Variants in BCKDHB observed in about 807,000 individuals in gnomAD.
The protein encoded by BCKDHB is 2-oxoisovalerate dehydrogenase subunit beta, mitochondrial.
A neutral mutation model predicts 48.5 loss-of-function variants in BCKDHB; 41 were observed. That is an observed-to-expected ratio of 0.85 (90% CI 0.66 to 1.10). The LOEUF (loss-of-function observed/expected upper bound fraction) is 1.10, where lower values mean the gene tolerates loss of function less well. BCKDHB is among the 50% of genes least tolerant of loss of function. The pLI is 0.00. For synonymous variants in BCKDHB, 201 were observed against 174.8 expected (o/e 1.15, Z -1.18); for missense variants, 496 against 494.2 (o/e 1.00, Z -0.03).
chr6:80,189,933 A>G (rs796700503), intron 6 of BCKDHB, among the ~76,000 whole-genome samples: 2 of 152,294 alleles, frequency 1.3e-5, no homozygotes, highest in Admixed American at 6.5e-5. Context: ...GAAGTGATTA[A>G]TATTGGACTA....
At chr6:80,277,988 A>G (rs542538516) in intron 9 of BCKDHB, among the ~76,000 whole-genome samples, 1 of 152,262 alleles carries the variant, frequency 6.6e-6, no homozygotes, top group South Asian at 2.1e-4. Context: ...ACTTATTACT[A>G]CTAAATTTCC....
the BCKDHB span, among the ~76,000 whole-genome samples, chr6:80,439,237 G>T: frequency 3.3e-5 from 5 of 152,076 alleles, no homozygotes; most frequent in African/African-American, 4.8e-5. Context: ...TATTTTCATG[G>T]CAAAAGGGAA....
intron 1 of BCKDHB, among the ~76,000 whole-genome samples, chr6:80,123,816 A>C (rs1368503631): frequency 6.6e-6 from 1 of 151,942 alleles, no homozygotes; most frequent in Admixed American, 6.6e-5. Flanking sequence ...GTGGTCTATC[A>C]ATTTTGTTGA....
chr6:80,190,608 T>C (rs1773850343), intron 6 of BCKDHB, among the ~76,000 whole-genome samples: 1 of 152,188 alleles, frequency 6.6e-6, no homozygotes, highest in Non-Finnish European at 1.5e-5. Flanking sequence ...TTGAAAGGGC[T>C]CACTAAATAT....
At chr6:80,338,667 A>T (rs578043464) in intron 9 of BCKDHB, among the ~76,000 whole-genome samples, 1 of 152,252 alleles carries the variant, frequency 6.6e-6, no homozygotes, top group Admixed American at 6.5e-5. Context: ...GTCTTTAATG[A>T]TAATTTGTTC....
chr6:80,324,617 G>C (rs1768936896), intron 9 of BCKDHB, among the ~76,000 whole-genome samples: 1 of 152,020 alleles, frequency 6.6e-6, no homozygotes, highest in Non-Finnish European at 1.5e-5. Context: ...TAGGAACCAG[G>C]GATGAACATG....
chr6:80,446,722 T>TTG, the BCKDHB span, among the ~76,000 whole-genome samples: 1 of 124,000 alleles, frequency 8.1e-6, no homozygotes, highest in Non-Finnish European at 1.6e-5. Flanking sequence ...TCTGGACAAT[T>TTG]TTTTTTTTTT....
At chr6:80,175,798 A>G (rs149498960) in intron 6 of BCKDHB, among the ~76,000 whole-genome samples, 1 of 152,334 alleles carries the variant, frequency 6.6e-6, no homozygotes, top group Non-Finnish European at 1.5e-5. Context: ...TGAAAGATAT[A>G]AGAAATATAT....
chr6:80,420,387 T>A, the BCKDHB span, among the ~76,000 whole-genome samples: 1 of 152,218 alleles, frequency 6.6e-6, no homozygotes, highest in African/African-American at 2.4e-5. Context: ...TTGTTCCTTC[T>A]CAGAAGGAAA....
chr6:80,310,755 C>T (rs985526839), intron 9 of BCKDHB, among the ~76,000 whole-genome samples: 1 of 152,172 alleles, frequency 6.6e-6, no homozygotes, highest in Non-Finnish European at 1.5e-5. Context: ...ACCTCACCAG[C>T]ATCTGTTGTT....
At chr6:80,439,337 C>T in the BCKDHB span, among the ~76,000 whole-genome samples, 3 of 152,092 alleles carry the variant, frequency 2.0e-5, no homozygotes, top group Admixed American at 6.6e-5. Flanking sequence ...AAAAAGATGG[C>T]ATTTCATAAA....
At chr6:80,251,387 G>A (rs1020513665) in intron 8 of BCKDHB, among the ~76,000 whole-genome samples, 4 of 152,180 alleles carry the variant, frequency 2.6e-5, no homozygotes, top group Non-Finnish European at 5.9e-5. Flanking sequence ...TTCAAGGTTG[G>A]AGGACAGTAT....
chr6:80,183,213 C>A (rs188614892), intron 6 of BCKDHB, among the ~76,000 whole-genome samples: 2 of 152,156 alleles, frequency 1.3e-5, no homozygotes, highest in Non-Finnish European at 2.9e-5. Context: ...ATTGACGAAG[C>A]CAGATGCTGT....
At chr6:80,386,983 C>G in the BCKDHB span, among the ~76,000 whole-genome samples, 20 of 151,788 alleles carry the variant, frequency 1.3e-4, 1 homozygote, top group South Asian at 3.7e-3. Flanking sequence ...TTCTCCCATC[C>G]CCCCCCAAGG....
At chr6:80,282,552 G>C (rs1766389521) in intron 9 of BCKDHB, among the ~76,000 whole-genome samples, 1 of 152,044 alleles carries the variant, frequency 6.6e-6, no homozygotes, top group African/African-American at 2.4e-5. Flanking sequence ...TCCACTTGAT[G>C]AATGTTATGG....
At chr6:80,180,794 G>T (rs1031034607) in intron 6 of BCKDHB, among the ~76,000 whole-genome samples, 3 of 152,184 alleles carry the variant, frequency 2.0e-5, no homozygotes, top group Non-Finnish European at 2.9e-5. Flanking sequence ...CGTAAAGAGA[G>T]AAATTAATAT....
chr6:80,200,934 C>T lies in BCKDHB; in HGVS notation c.743C>T (p.Ala248Val), dbSNP rs752519744. Residue 248 changes from alanine (A) to valine (V), a missense_variant and splice_region_variant, in exon 7 of 10, where the codon GCG becomes GTG. Transcript: ENST00000320393. ...FEPKILYRAAAEEVPIEPYNI... is the reference protein window; with the variant it reads ...FEPKILYRAAVEEVPIEPYNI... ...TTTTTTTTTCCTGTTCTGTATTTAG[C>T]GGAAGAAGTCCCTATAGAACCATAC... The T allele has an allele frequency of 8.7e-6, 14 of 1,601,384 alleles. No individual in the cohort carries two copies. The highest frequency in any genetic ancestry group is 4.5e-5 in the East Asian group (2 of 44,742).
chr6:80,408,709 T>A, the BCKDHB span, among the ~76,000 whole-genome samples: 3 of 152,078 alleles, frequency 2.0e-5, no homozygotes, highest in East Asian at 5.8e-4. Flanking sequence ...GATATTCCTC[T>A]TATCATTTTT....
intron 3 of BCKDHB, among the ~76,000 whole-genome samples, chr6:80,135,236 T>G (rs1365704476): frequency 6.6e-6 from 1 of 152,116 alleles, no homozygotes; most frequent in South Asian, 2.1e-4. Context: ...CAGGGTTCCA[T>G]TGTAGAATGG....
Sources: gnomAD v4.1 joint callset for allele counts (sites outside exome capture counted in the v4.1 genomes callset) on GRCh38, gnomAD v4.1.1 for gene constraint, MANE v1.5 for transcripts, NCBI Gene and HGNC (gene_info 2026-07-23, HGNC 2026-07-21) for gene names.